GGA1: variants seen among roughly 807,000 people sequenced by gnomAD.
GGA1 encodes ADP-ribosylation factor-binding protein GGA1.
GGA1 carries 18 observed loss-of-function variants against 76.9 expected under a neutral mutation model. That is an observed-to-expected ratio of 0.23 (90% confidence interval 0.16 to 0.35). GGA1 has a LOEUF of 0.35. Among genes scored for constraint, GGA1 ranks in the 10% least tolerant of loss-of-function variants. The probability of loss-of-function intolerance (pLI) is 1.00; values close to 1 mark genes in which losing one functional copy is unlikely to be tolerated. For synonymous variants in GGA1, 342 were observed against 354.7 expected (o/e 0.96, Z 0.40); for missense variants, 755 against 859.0 (o/e 0.88, Z 1.51).
chr22:37,626,138 C>T (rs1433985981), intron 11 of GGA1, 189 bp downstream of exon 11: 2 of 428,162 alleles, frequency 4.7e-6, no homozygotes, highest in African/African-American at 4.0e-5. Flanking sequence ...TGTGCGAGGC[C>T]ACACGGCCAG....
chr22:37,608,931 GACCGGA>G, intron 1 of GGA1, 28 bp downstream of exon 1: 6 of 1,324,852 alleles, frequency 4.5e-6, no homozygotes, highest in East Asian at 3.1e-5. Context: ...GCGCGGGCCG[GACCGGA>G]ACCGGAACCG....
At chr22:37,617,934 C>A in intron 3 of GGA1, 1 of 164,094 alleles carries the variant, frequency 6.1e-6, no homozygotes, top group Non-Finnish European at 1.3e-5. Flanking sequence ...TCAGCCTGAC[C>A]AACATGGAGA....
At chr22:37,618,676 C>A in intron 4 of GGA1, 130 bp downstream of exon 4, 1 of 618,918 alleles carries the variant, frequency 1.6e-6, no homozygotes. Context: ...CCCATTAGAA[C>A]TCAGACCTAG....
At chr22:37,611,330 A>G (rs1234015118) in intron 1 of GGA1, among the ~76,000 whole-genome samples, 3 of 151,746 alleles carry the variant, frequency 2.0e-5, no homozygotes, top group Non-Finnish European at 4.4e-5. Context: ...CCCAGAGAGC[A>G]GCTCCCGAGG....
In GGA1 at chr22:37,632,231, G is replaced by A; in HGVS notation, c.1698+66G>A. On this transcript the variant is annotated intron_variant, in intron 15 of 16. Coordinates refer to ENST00000343632, the MANE Select transcript of GGA1 (RefSeq NM_013365.5). The surrounding 1 kb of genome is among the most constrained non-coding windows in gnomAD (Gnocchi z 5.1). ...AGGCAGGGTGACATGGAGCTGGGTG[G>A]GGAGCCACCTGTCAGGGGGCAGGTC... is the stretch of plus-strand genomic sequence containing the variant. The A allele has an allele frequency of 6.6e-7, 1 of 1,510,898 alleles. No homozygotes were observed. The highest frequency in any genetic ancestry group is 2.3e-5 in the East Asian group (1 of 43,950). The allele number at this position is 1,510,898 out of a possible 1,614,324, so 93.6% of individuals were successfully genotyped here.
At chr22:37,614,022 C>T in intron 1 of GGA1, 168 bp from the exon 2 acceptor site, 1 of 614,994 alleles carries the variant, frequency 1.6e-6, no homozygotes, top group South Asian at 1.8e-5. Flanking sequence ...TCTGTCTACA[C>T]CCACAATCAG....
In GGA1 at chr22:37,624,944, G is replaced by C; in HGVS notation, c.833-25G>C. Reference sequence around the variant, plus strand: ...GAGGCCCCCACAGTCCTTCAGCCTGGCCTCTCCCCTCCTGCCTGTTCCAGC... The same window carrying C: ...GAGGCCCCCACAGTCCTTCAGCCTGCCCTCTCCCCTCCTGCCTGTTCCAGC... On this transcript the variant is annotated intron_variant, in intron 9 of 16. Coordinates refer to ENST00000343632, the MANE Select transcript of GGA1 (RefSeq NM_013365.5). This position sits in a 1 kb window ranked among gnomAD's most constrained non-coding sequence, Gnocchi z 4.3. 6.4e-7 allele frequency: 1 copy of C among 1,557,948 alleles called. No homozygotes were observed. Among genetic ancestry groups the C allele is most frequent in the African/African-American group, 1.4e-5 (1 of 73,742 alleles).
intron 1 of GGA1, chr22:37,612,792 T>A: frequency 3.2e-5 from 13 of 411,058 alleles, no homozygotes; most frequent in South Asian, 1.0e-4. Context: ...AAAAAATCCA[T>A]ATTTCATTCC....
At chr22:37,609,605 C>A (rs1167898286) in intron 1 of GGA1, among the ~76,000 whole-genome samples, 1 of 152,190 alleles carries the variant, frequency 6.6e-6, no homozygotes, top group African/African-American at 2.4e-5. Context: ...GCTTCTACAC[C>A]CCTTTTTTTC....
intron 1 of GGA1, among the ~76,000 whole-genome samples, chr22:37,611,252 C>T (rs1445855375): frequency 6.6e-6 from 1 of 152,124 alleles, no homozygotes; most frequent in Non-Finnish European, 1.5e-5. Flanking sequence ...TGTGGAGCTC[C>T]TGGGACAGAG....
chr22:37,613,180 C>T lies in GGA1; in HGVS notation c.44-1010C>T, dbSNP rs964529408. The stretch of plus-strand genomic sequence containing the variant: ...CCCAAGGGAATGAAGGCTTTCTGAA[C>T]CTGGTGTGATGGTAAGACTCACACT... On this transcript the variant is annotated intron_variant, in intron 1 of 16. Transcript: ENST00000343632. 1.8e-5 allele frequency: 18 copies of T among 984,230 alleles called. No individual in the cohort carries two copies. In the African/African-American group the frequency reaches 2.6e-4, roughly 14 times the overall value. The allele number at this position is 984,230 out of a possible 1,614,324, so 61.0% of individuals were successfully genotyped here.
chr22:37,618,639 C>G (rs1448717296), intron 4 of GGA1, 93 bp downstream of exon 4: 4 of 744,970 alleles, frequency 5.4e-6, no homozygotes, highest in Non-Finnish European at 9.5e-6. Context: ...TTCCAGGGAG[C>G]CTCCCACTGG....
At chr22:37,618,616 T>G in intron 4 of GGA1, 70 bp downstream of exon 4, 1 of 950,878 alleles carries the variant, frequency 1.1e-6, no homozygotes, top group Non-Finnish European at 1.7e-6. Context: ...ACCTTCAGAT[T>G]GTGGAGCGAC....
At position 37,621,649 on chromosome 22, in the gene GGA1, G is replaced by A. The variant is rs751865774; in HGVS notation, c.562G>A (p.Glu188Lys). Reference protein sequence around the residue: ...LARLLKSSHPEDLRAANKLIK... With the variant: ...LARLLKSSHPKDLRAANKLIK... ...CCGCCTGCTGAAGAGCTCCCATCCC[G>A]AAGACCTCCGCGCAGCCAATAAGCT... The change falls in exon 7 of 17, where the codon GAA becomes AAA. Residue 188 changes from glutamate (E) to lysine (K), a missense_variant. Coordinates refer to ENST00000343632, the MANE Select transcript of GGA1 (RefSeq NM_013365.5). 4.5e-6 allele frequency: 7 copies of A among 1,554,472 alleles called. No homozygotes were observed. The highest frequency in any genetic ancestry group is 2.4e-5 in the East Asian group (1 of 41,466).
At chr22:37,619,741 C>G (rs1323874042) in intron 4 of GGA1, 7 of 772,930 alleles carry the variant, frequency 9.1e-6, no homozygotes, top group Admixed American at 1.7e-5. Flanking sequence ...TTGCTCAGAC[C>G]CATCCTTTGA....
At chr22:37,622,336 G>A (rs766735711) in intron 7 of GGA1, among the ~76,000 whole-genome samples, 166 of 151,412 alleles carry the variant, frequency 1.1e-3, no homozygotes, top group Admixed American at 4.7e-3. Flanking sequence ...CTGCCTCGGC[G>A]TCCCAAAGTG....
At chr22:37,611,504 TGAG>T (rs1927578442) in intron 1 of GGA1, among the ~76,000 whole-genome samples, 1 of 152,208 alleles carries the variant, frequency 6.6e-6, no homozygotes, top group Admixed American at 6.5e-5. Flanking sequence ...GCAGTGAACT[TGAG>T]GAGGGCAGGG....
In GGA1 at chr22:37,624,255, G is replaced by T. The variant is rs1930411006; in HGVS notation, c.832+622G>T. ...GGGAAGGCAGTGTTGCCGAGGGCCT[G>T]ATTGGTGCCAGGCACTGTTCTAGGC... On this transcript the variant is annotated intron_variant, in intron 9 of 16. Coordinates refer to ENST00000343632, the MANE Select transcript of GGA1 (RefSeq NM_013365.5). The surrounding 1 kb of genome is among the most constrained non-coding windows in gnomAD (Gnocchi z 4.3). 3 of 159,528 alleles carry T rather than the reference G, an allele frequency of 1.9e-5. No homozygotes were observed. In the South Asian group the frequency reaches 5.0e-4, roughly 26 times the overall value. 9.9% of individuals were successfully genotyped at this position (159,528 alleles called of 1,614,324 possible). A position where few individuals can be genotyped will look rare whatever the true frequency, so the allele number is the denominator to read the frequency against.
At chr22:37,617,459 C>T in intron 3 of GGA1, 1 of 1,006,764 alleles carries the variant, frequency 9.9e-7, no homozygotes, top group African/African-American at 1.7e-5. Flanking sequence ...TGTCTGTGGC[C>T]CCCAGCATGG....
Sources: gnomAD v4.1 joint callset for allele counts (sites outside exome capture counted in the v4.1 genomes callset) on GRCh38, gnomAD v4.1.1 for gene constraint, Gnocchi (gnomAD v3.1) non-coding constraint, MANE v1.5 for transcripts, NCBI Gene and HGNC (gene_info 2026-07-23, HGNC 2026-07-21) for gene names.